The following ERBB4 variants were observed in gnomAD, a reference collection of about 807,000 sequenced individuals.
The protein encoded by ERBB4 is erb-b2 receptor tyrosine kinase 4.
A neutral mutation model predicts 158.0 loss-of-function variants in ERBB4; 42 were observed. The observed-to-expected ratio is 0.27, with a 90% CI of 0.21 to 0.34. The LOEUF (loss-of-function observed/expected upper bound fraction) is 0.34, where lower values mean the gene tolerates loss of function less well. Among genes scored for constraint, ERBB4 ranks in the 10% least tolerant of loss-of-function variants. ERBB4 has a pLI of 1.00. For synonymous variants in ERBB4, 583 were observed against 558.7 expected (o/e 1.04, Z -0.61); for missense variants, 1,333 against 1,624.1 (o/e 0.82, Z 3.08).
intron 23 of ERBB4, among the ~76,000 whole-genome samples, chr2:211,422,618 A>G (rs2063538220): frequency 6.6e-6 from 1 of 151,766 alleles, no homozygotes; most frequent in Non-Finnish European, 1.5e-5. Flanking sequence ...ATGTATTCTT[A>G]TTTAGCTGGG....
At chr2:211,931,738 G>C (rs1408260380) in intron 3 of ERBB4, among the ~76,000 whole-genome samples, 1 of 152,006 alleles carries the variant, frequency 6.6e-6, no homozygotes, top group Middle Eastern at 3.2e-3. Flanking sequence ...GGTTGCTAGT[G>C]AGCCTAGACT....
chr2:212,050,395 C>T (rs1200252975), intron 2 of ERBB4, among the ~76,000 whole-genome samples: 1 of 152,032 alleles, frequency 6.6e-6, no homozygotes, highest in Non-Finnish European at 1.5e-5. Flanking sequence ...TTTCATTTCC[C>T]CTCCTGTTTG....
chr2:212,316,123 T>A (rs1403412809), intron 1 of ERBB4, among the ~76,000 whole-genome samples: 1 of 151,496 alleles, frequency 6.6e-6, no homozygotes, highest in African/African-American at 2.4e-5. Context: ...GAGAAAACTA[T>A]CGATGATTCA....
chr2:211,983,333 G>C (rs562695611), intron 2 of ERBB4, among the ~76,000 whole-genome samples: 2 of 152,242 alleles, frequency 1.3e-5, no homozygotes, highest in South Asian at 2.1e-4. Context: ...AAGAATGAAG[G>C]CTGGTTGACT....
intron 3 of ERBB4, among the ~76,000 whole-genome samples, chr2:211,888,455 T>C (rs2078863675): frequency 6.6e-6 from 1 of 152,274 alleles, no homozygotes; most frequent in African/African-American, 2.4e-5. Context: ...ATAATATTTG[T>C]CATTATTACA....
chr2:211,634,603 G>T (rs558331528), intron 16 of ERBB4, among the ~76,000 whole-genome samples: 1 of 152,184 alleles, frequency 6.6e-6, no homozygotes, highest in East Asian at 1.9e-4. Flanking sequence ...TTAAATGGCT[G>T]TGCATCTCTC....
intron 3 of ERBB4, among the ~76,000 whole-genome samples, chr2:211,885,813 A>C (rs929166861): frequency 6.6e-6 from 1 of 152,168 alleles, no homozygotes; most frequent in Non-Finnish European, 1.5e-5. Context: ...TATTAAGGGA[A>C]GCAATATCAG....
At chr2:211,672,331 A>T (rs2071875428) in intron 14 of ERBB4, among the ~76,000 whole-genome samples, 1 of 152,180 alleles carries the variant, frequency 6.6e-6, no homozygotes, top group African/African-American at 2.4e-5. Context: ...ATTTGTCTAA[A>T]GAAGGATGAA....
chr2:212,230,720 A>G (rs1012159558), intron 1 of ERBB4, among the ~76,000 whole-genome samples: 2 of 152,148 alleles, frequency 1.3e-5, no homozygotes, highest in Non-Finnish European at 2.9e-5. Flanking sequence ...GTTATCTTTT[A>G]TCTGTCTCTC....
At chr2:211,792,157 T>A (rs1388034930) in intron 3 of ERBB4, among the ~76,000 whole-genome samples, 1 of 151,740 alleles carries the variant, frequency 6.6e-6, no homozygotes, top group Middle Eastern at 3.2e-3. Context: ...TAGTTCCTAA[T>A]TTTAAATTAT....
At chr2:211,486,847 A>G (rs1318163900) in intron 20 of ERBB4, among the ~76,000 whole-genome samples, 1 of 152,110 alleles carries the variant, frequency 6.6e-6, no homozygotes, top group Non-Finnish European at 1.5e-5. Flanking sequence ...TTTGGATTAA[A>G]ATATTTTCAG....
rs771079563 is a variant in ERBB4 at position 211,424,433 on chromosome 2, C to A, written c.2720-132G>T. On this transcript the variant is annotated intron_variant, in intron 22 of 27. Transcript: ENST00000342788. ...CCAATCAATTAAAAAAAAAAAAGCT[C>A]CATAAATTCCTGCATCCATTATGAG... 3 of 652,652 alleles carry A rather than the reference C, an allele frequency of 4.6e-6. No homozygotes were observed. In the South Asian group the frequency reaches 5.5e-5, roughly 12 times the overall value. 40.4% of individuals were successfully genotyped at this position (652,652 alleles called of 1,614,324 possible). A position where few individuals can be genotyped will look rare whatever the true frequency, so the allele number is the denominator to read the frequency against.
intron 1 of ERBB4, among the ~76,000 whole-genome samples, chr2:212,181,957 A>C (rs1402907633): frequency 6.6e-6 from 1 of 151,786 alleles, no homozygotes; most frequent in Non-Finnish European, 1.5e-5. Flanking sequence ...ATACACTACA[A>C]AAAATGCTGC....
chr2:212,316,143 T>A (rs2087266709), intron 1 of ERBB4, among the ~76,000 whole-genome samples: 1 of 151,458 alleles, frequency 6.6e-6, no homozygotes, highest in Non-Finnish European at 1.5e-5. Context: ...ACAGACCACC[T>A]TTTTTTCCTA....
At chr2:212,339,565 C>A (rs2088605255) in intron 1 of ERBB4, among the ~76,000 whole-genome samples, 2 of 152,156 alleles carry the variant, frequency 1.3e-5, no homozygotes. Flanking sequence ...CATCCCACCA[C>A]TTCATTTGCA....
chr2:212,068,782 A>C (rs1229035513), intron 2 of ERBB4, among the ~76,000 whole-genome samples: 2 of 152,114 alleles, frequency 1.3e-5, no homozygotes, highest in Non-Finnish European at 2.9e-5. Context: ...CTGTTGTCCA[A>C]TTTTAGAATC....
intron 3 of ERBB4, among the ~76,000 whole-genome samples, chr2:211,864,276 C>T (rs1290627762): frequency 2.0e-5 from 3 of 152,166 alleles, no homozygotes; most frequent in Non-Finnish European, 4.4e-5. Context: ...GGCCCTTAAT[C>T]CTCAGACTGG....
At chr2:211,885,436 T>G (rs763243583) in intron 3 of ERBB4, among the ~76,000 whole-genome samples, 1 of 151,938 alleles carries the variant, frequency 6.6e-6, no homozygotes, top group East Asian at 1.9e-4. Context: ...GTAGAGAAAA[T>G]AGAGAAACAA....
chr2:212,311,893 T>G (rs908632215), intron 1 of ERBB4, among the ~76,000 whole-genome samples: 2 of 150,882 alleles, frequency 1.3e-5, no homozygotes, highest in African/African-American at 2.4e-5. Flanking sequence ...AGAGCAAACA[T>G]AAAGACACAT....
Sources: gnomAD v4.1 joint callset for allele counts (sites outside exome capture counted in the v4.1 genomes callset) on GRCh38, gnomAD v4.1.1 for gene constraint, MANE v1.5 for transcripts, NCBI Gene and HGNC (gene_info 2026-07-23, HGNC 2026-07-21) for gene names.